The following PPARGC1A variants were observed in gnomAD, a reference collection of about 807,000 sequenced individuals.
PPARGC1A encodes peroxisome proliferator-activated receptor gamma coactivator 1-alpha.
Under a neutral mutation model 88.7 loss-of-function variants are expected in PPARGC1A, and 25 were observed. The observed-to-expected ratio is 0.28, with a 90% CI of 0.21 to 0.39. The LOEUF (loss-of-function observed/expected upper bound fraction) is 0.39. PPARGC1A is among the 10% of genes least tolerant of loss of function. The pLI is 1.00. For synonymous variants in PPARGC1A, 363 were observed against 355.6 expected, an observed-to-expected ratio of 1.02 and a Z score of -0.24; for missense variants, 880 against 968.7, an observed-to-expected ratio of 0.91 and a Z score of 1.22.
the PPARGC1A span, among the ~76,000 whole-genome samples, chr4:24,385,474 G>A: frequency 4.6e-5 from 7 of 151,844 alleles, no homozygotes; most frequent in African/African-American, 1.4e-4. Flanking sequence ...TGAAAAGATT[G>A]ACAAAATAGA....
At chr4:24,187,574 G>A in the PPARGC1A span, among the ~76,000 whole-genome samples, 1 of 152,152 alleles carries the variant, frequency 6.6e-6, no homozygotes, top group Non-Finnish European at 1.5e-5. Context: ...TTTGGTTTCA[G>A]TATCTCCCTC....
At chr4:24,467,401 G>A in the PPARGC1A span, among the ~76,000 whole-genome samples, 1 of 152,152 alleles carries the variant, frequency 6.6e-6, no homozygotes, top group African/African-American at 2.4e-5. Flanking sequence ...ATGTTGAAAA[G>A]GTATAGAAGC....
At chr4:23,978,101 T>G in the PPARGC1A span, among the ~76,000 whole-genome samples, 2 of 152,142 alleles carry the variant, frequency 1.3e-5, no homozygotes, top group Non-Finnish European at 2.9e-5. Context: ...AATGTCCAAT[T>G]TGCATCCTTA....
chr4:24,176,961 G>A, the PPARGC1A span, among the ~76,000 whole-genome samples: 1 of 152,110 alleles, frequency 6.6e-6, no homozygotes, highest in East Asian at 1.9e-4. Flanking sequence ...TTGAGGGCAG[G>A]GGTTGGGCAG....
intron 2 of PPARGC1A, among the ~76,000 whole-genome samples, chr4:23,844,626 T>C (rs1352165648): frequency 3.4e-5 from 2 of 59,546 alleles, no homozygotes; most frequent in African/African-American, 1.6e-4. Flanking sequence ...ATTATATTAA[T>C]ATATAATAAT....
At chr4:24,360,293 A>G in the PPARGC1A span, among the ~76,000 whole-genome samples, 523 of 152,156 alleles carry the variant, frequency 3.4e-3, 1 homozygote, top group Non-Finnish European at 5.0e-3. Flanking sequence ...TCACTCAACC[A>G]TTTTATGACT....
chr4:23,810,868 T>C (rs566013238), intron 10 of PPARGC1A, among the ~76,000 whole-genome samples: 1 of 152,366 alleles, frequency 6.6e-6, no homozygotes, highest in South Asian at 2.1e-4. Flanking sequence ...GTAAATTATA[T>C]GGCACTATAT....
the PPARGC1A span, among the ~76,000 whole-genome samples, chr4:23,975,834 G>A: frequency 6.6e-6 from 1 of 152,210 alleles, no homozygotes; most frequent in Non-Finnish European, 1.5e-5. Flanking sequence ...AGCAAATTAT[G>A]TAAACCCTTA....
the PPARGC1A span, among the ~76,000 whole-genome samples, chr4:24,387,760 GAGAGAGAGAAAGAA>G: frequency 8.4e-4 from 67 of 79,996 alleles, 1 homozygote; most frequent in African/African-American, 3.2e-3. Flanking sequence ...GAGAGAGAGA[GAGAGAGAGAAAGAA>G]AGAAAGAAAG....
chr4:24,335,964 G>A, the PPARGC1A span, among the ~76,000 whole-genome samples: 1 of 152,148 alleles, frequency 6.6e-6, no homozygotes, highest in African/African-American at 2.4e-5. Context: ...AAGGCCTAGA[G>A]CAATAAAAAG....
the PPARGC1A span, among the ~76,000 whole-genome samples, chr4:24,233,934 C>T: frequency 5.3e-5 from 8 of 152,166 alleles, no homozygotes; most frequent in Admixed American, 4.6e-4. Flanking sequence ...TTATTGGGCA[C>T]GTAATTCAGA....
chr4:24,207,073 A>AT, the PPARGC1A span, among the ~76,000 whole-genome samples: 5 of 151,930 alleles, frequency 3.3e-5, no homozygotes, highest in African/African-American at 1.2e-4. Context: ...TTGCTCTCAA[A>AT]TTTTTTTAAA....
chr4:23,986,658 T>G, the PPARGC1A span, among the ~76,000 whole-genome samples: 3 of 152,064 alleles, frequency 2.0e-5, no homozygotes, highest in African/African-American at 7.2e-5. Context: ...GCCTCTAAAT[T>G]TTAGTAGTAG....
the PPARGC1A span, among the ~76,000 whole-genome samples, chr4:24,271,022 C>T: frequency 2.0e-5 from 3 of 152,124 alleles, no homozygotes; most frequent in Non-Finnish European, 4.4e-5. Flanking sequence ...CATAATTATA[C>T]ATAACCAAAA....
the PPARGC1A span, among the ~76,000 whole-genome samples, chr4:23,914,305 A>C: frequency 6.6e-6 from 1 of 152,202 alleles, no homozygotes; most frequent in African/African-American, 2.4e-5. Context: ...ATCCTTTTCT[A>C]TAAGACAATC....
the PPARGC1A span, among the ~76,000 whole-genome samples, chr4:24,107,474 T>G: frequency 2.8e-3 from 419 of 152,358 alleles, 5 homozygotes; most frequent in East Asian, 0.052. Context: ...TCATCCCTAT[T>G]ATTTTCGATC....
the PPARGC1A span, among the ~76,000 whole-genome samples, chr4:24,464,519 T>G: frequency 2.6e-5 from 4 of 152,150 alleles, no homozygotes. Context: ...TTGGTTAGCT[T>G]TTTCTTTTTC....
chr4:24,272,743 G>A, the PPARGC1A span, among the ~76,000 whole-genome samples: 1 of 152,088 alleles, frequency 6.6e-6, no homozygotes, highest in Non-Finnish European at 1.5e-5. Flanking sequence ...ATATTCAGGG[G>A]AACAGACCAG....
the PPARGC1A span, among the ~76,000 whole-genome samples, chr4:24,445,319 C>T: frequency 1.3e-5 from 2 of 152,332 alleles, no homozygotes; most frequent in South Asian, 2.1e-4. Context: ...AATGCCTCTG[C>T]TCTGACTGGT....
Sources: gnomAD v4.1 joint callset for allele counts (sites outside exome capture counted in the v4.1 genomes callset) on GRCh38, gnomAD v4.1.1 for gene constraint, MANE v1.5 for transcripts, NCBI Gene and HGNC (gene_info 2026-07-23, HGNC 2026-07-21) for gene names.